Variants in QDPR observed in about 807,000 individuals in gnomAD.
The protein encoded by QDPR is dihydropteridine reductase.
Under a neutral mutation model 31.7 loss-of-function variants are expected in QDPR, and 23 were observed. The observed-to-expected ratio is 0.73, with a 90% confidence interval of 0.52 to 1.03. The LOEUF (loss-of-function observed/expected upper bound fraction) is 1.03. Among genes scored for constraint, QDPR ranks in the 50% least tolerant of loss-of-function variants. The pLI, the probability that QDPR is intolerant of heterozygous loss-of-function variation, is 0.00. For synonymous variants in QDPR, 124 were observed against 124.7 expected (o/e 0.99, Z 0.03); for missense variants, 324 against 323.8 (o/e 1.00, Z 0.00).
intron 3 of QDPR, among the ~76,000 whole-genome samples, chr4:17,503,071 T>G (rs1314860821): frequency 3.3e-5 from 5 of 152,218 alleles, no homozygotes; most frequent in Non-Finnish European, 7.3e-5. Context: ...TAAATCTAAC[T>G]GAGTCTCTAG....
intron 4 of QDPR, among the ~76,000 whole-genome samples, chr4:17,497,830 T>TA (rs980163843): frequency 6.6e-6 from 1 of 152,196 alleles, no homozygotes; most frequent in Non-Finnish European, 1.5e-5. Flanking sequence ...ACAATAAACT[T>TA]AAACACATTT....
chr4:17,501,791 C>T lies in QDPR; in HGVS notation c.364G>A (p.Ala122Thr). The change falls in exon 4 of 7, where the codon GCT (alanine) becomes ACT (threonine). Residue 122 changes from alanine to threonine, a missense_variant. Physicochemically the swap from Ala to Thr is moderately conservative, Grantham distance 58 (BLOSUM62 0). Transcript: ENST00000281243. ...CCTCCTTCCTTGAGATGCTTGGTAGCCAGATGGCTGGAGATGGTCGATGTC... is the reference window on the plus strand; with the variant it reads ...CCTCCTTCCTTGAGATGCTTGGTAGTCAGATGGCTGGAGATGGTCGATGTC... The part of the protein sequence containing the change: ...IWTSTISSHL[A>T]TKHLKEGGLL... The T allele has an allele frequency of 1.2e-6, 2 of 1,614,174 alleles. No homozygotes were observed. Among genetic ancestry groups the T allele is most frequent in the Non-Finnish European group, 1.7e-6 (2 of 1,180,028 alleles).
chr4:17,507,131 C>T (rs2597778), intron 2 of QDPR, among the ~76,000 whole-genome samples: 99,068 of 152,022 alleles, frequency 0.65, 32,697 homozygotes, highest in East Asian at 0.77. Context: ...TTGAGATTAC[C>T]AAGGAAAGTG....
intron 2 of QDPR, among the ~76,000 whole-genome samples, chr4:17,505,998 T>A (rs1463721620): frequency 2.0e-5 from 3 of 152,198 alleles, no homozygotes; most frequent in East Asian, 3.9e-4. Flanking sequence ...TACAGGGACA[T>A]TAGAAACCTA....
intron 6 of QDPR, among the ~76,000 whole-genome samples, chr4:17,487,743 G>A (rs3775921): frequency 0.035 from 5,355 of 152,188 alleles, 125 homozygotes; most frequent in East Asian, 0.059. Flanking sequence ...CGGGCGGATC[G>A]CTTGAGCCCA....
chr4:17,511,196 C>T (rs564655877), intron 1 of QDPR, among the ~76,000 whole-genome samples: 199 of 152,270 alleles, frequency 1.3e-3, no homozygotes, highest in African/African-American at 4.6e-3. Context: ...GTGTCTCCAC[C>T]GGGAAATTGC....
chr4:17,487,988 C>T (rs188860319), intron 6 of QDPR, among the ~76,000 whole-genome samples: 6 of 152,190 alleles, frequency 3.9e-5, no homozygotes, highest in African/African-American at 1.2e-4. Context: ...TTTGGCCAGG[C>T]GTGGTGGCTC....
chr4:17,505,732 T>A (rs990749852), intron 2 of QDPR, among the ~76,000 whole-genome samples: 7 of 152,136 alleles, frequency 4.6e-5, no homozygotes, highest in African/African-American at 1.7e-4. Context: ...ACCCTGTGTC[T>A]CTCCCAGTAG....
At chr4:17,507,251 C>T (rs1718819908) in intron 2 of QDPR, among the ~76,000 whole-genome samples, 2 of 152,158 alleles carry the variant, frequency 1.3e-5, no homozygotes, top group South Asian at 2.1e-4. Flanking sequence ...GCTTGTTGGC[C>T]TTGTCACTTA....
chr4:17,490,351 T>C (rs1267548241), intron 6 of QDPR: 2 of 380,720 alleles, frequency 5.3e-6, no homozygotes, highest in African/African-American at 4.2e-5. Context: ...CTAACAAGCA[T>C]GATGGACCTC....
At chr4:17,490,951 G>C (rs973267545) in intron 5 of QDPR, among the ~76,000 whole-genome samples, 1 of 152,188 alleles carries the variant, frequency 6.6e-6, no homozygotes, top group South Asian at 2.1e-4. Context: ...GGCCAGATCT[G>C]AGCATAATTC....
chr4:17,509,293 G>T lies in QDPR; in HGVS notation c.176C>A (p.Ser59Ter). The T allele has an allele frequency of 6.2e-7, 1 of 1,614,012 alleles. No individual in the cohort carries two copies. The highest frequency in any genetic ancestry group is 2.2e-5 in the East Asian group (1 of 44,874). The change falls in exon 2 of 7, where the codon TCG becomes TAG. Residue 59 changes from serine to a stop codon, truncating the protein, a stop_gained. Transcript: ENST00000281243. LOFTEE classifies it high-confidence loss of function. ...TACCTGGTCAGCCTGCTCAGTGAAC[G>T]AGTCTGTCATTTTAACAATGATGCT... is the stretch of plus-strand genomic sequence containing the variant. ...SASIIVKMTD[S>*]FTEQADQVTA...
chr4:17,496,442 C>CAAAAAAAAAAAAAAAAAAAAAAAAAA (rs747311750), intron 4 of QDPR, among the ~76,000 whole-genome samples: 2 of 64,608 alleles, frequency 3.1e-5, no homozygotes, highest in Non-Finnish European at 5.7e-5. Flanking sequence ...AAAACTGTCT[C>CAAAAAAAAAAAAAAAAAAAAAAAAAA]AAAAAAAAAA....
chr4:17,506,830 A>G (rs1204339723), intron 2 of QDPR, among the ~76,000 whole-genome samples: 7 of 152,206 alleles, frequency 4.6e-5, no homozygotes, highest in Admixed American at 2.0e-4. Flanking sequence ...TGCTAAAATA[A>G]GTCATCTGGC....
chr4:17,504,901 T>G (rs1718703841), intron 2 of QDPR, among the ~76,000 whole-genome samples: 1 of 152,116 alleles, frequency 6.6e-6, no homozygotes, highest in African/African-American at 2.4e-5. Context: ...ATCAACCCTG[T>G]TTTCCCCACC....
intron 4 of QDPR, among the ~76,000 whole-genome samples, chr4:17,497,234 T>C (rs1303664407): frequency 6.6e-6 from 1 of 152,154 alleles, no homozygotes; most frequent in East Asian, 1.9e-4. Flanking sequence ...TTTAGTGCCA[T>C]GTGAATTTTT....
intron 4 of QDPR, among the ~76,000 whole-genome samples, chr4:17,500,085 G>A (rs1046626711): frequency 6.6e-6 from 1 of 151,688 alleles, no homozygotes; most frequent in Non-Finnish European, 1.5e-5. Context: ...CTGGGTTCAC[G>A]CCATTCTCCT....
chr4:17,488,919 T>C (rs1271926211), intron 6 of QDPR, among the ~76,000 whole-genome samples: 2 of 152,120 alleles, frequency 1.3e-5, no homozygotes, highest in Non-Finnish European at 2.9e-5. Flanking sequence ...TAGGGCTTGG[T>C]GAGGGAAGGC....
intron 2 of QDPR, among the ~76,000 whole-genome samples, chr4:17,507,995 A>G (rs995268348): frequency 6.6e-5 from 10 of 152,206 alleles, no homozygotes; most frequent in Non-Finnish European, 1.5e-5. Context: ...GAAAAGGGAC[A>G]GTTTCACAGT....
Sources: gnomAD v4.1 joint callset for allele counts (sites outside exome capture counted in the v4.1 genomes callset) on GRCh38, gnomAD v4.1.1 for gene constraint, MANE v1.5 for transcripts, NCBI Gene and HGNC (gene_info 2026-07-23, HGNC 2026-07-21) for gene names.